CDH4: variants seen among roughly 807,000 people sequenced by gnomAD.
CDH4 encodes the protein cadherin-4.
In CDH4, 33 loss-of-function variants were observed where a neutral mutation model predicts 86.0. The ratio of observed to expected loss-of-function variants is 0.38; its 90% CI spans 0.29 to 0.51. The LOEUF is 0.51. Ranked by LOEUF, CDH4 falls within the 20% of genes least tolerant of loss-of-function variation. The pLI, the probability that CDH4 is intolerant of heterozygous loss-of-function variation, is 0.86. For synonymous variants in CDH4, 555 were observed against 549.4 expected (o/e 1.01, Z -0.14); for missense variants, 1,114 against 1,307.4 (o/e 0.85, Z 2.28).
chr20:61,840,293 G>T (rs1162375937), intron 4 of CDH4, among the ~76,000 whole-genome samples: 1 of 152,172 alleles, frequency 6.6e-6, no homozygotes, highest in Non-Finnish European at 1.5e-5. Context: ...GAATCTGGGT[G>T]TAACTCTCTC....
chr20:61,773,128 G>A lies in CDH4; in HGVS notation c.522G>A (p.Pro174=), dbSNP rs763267948. The A allele has an allele frequency of 6.2e-5, 100 of 1,607,742 alleles. No individual in the cohort carries two copies. Among genetic ancestry groups the A allele is most frequent in the Non-Finnish European group, 8.2e-5 (97 of 1,177,468 alleles). ...LRRRKRDWVI[P]PINVPENSRG... ...GGCGCAAACGGGACTGGGTCATCCC[G>A]CCCATCAACGTGCCCGAGAACTCGC... is the stretch of plus-strand genomic sequence containing the variant. The change falls in exon 4 of 16, where the codon CCG becomes CCA. Residue 174 remains proline, a synonymous_variant. Transcript: ENST00000614565.
chr20:61,498,061 G>T (rs1049055280), intron 2 of CDH4, among the ~76,000 whole-genome samples: 3 of 119,376 alleles, frequency 2.5e-5, no homozygotes, highest in Non-Finnish European at 4.9e-5. Flanking sequence ...CTGTCATGGG[G>T]TGGGGGGAGG....
At chr20:61,296,286 TGTGTGTGTGTGCGTGGGTGC>T in intron 2 of CDH4, among the ~76,000 whole-genome samples, 1 of 128,410 alleles carries the variant, frequency 7.8e-6, no homozygotes, top group East Asian at 2.4e-4. Flanking sequence ...CGTGGGTGCG[TGTGTGTGTGTGCGTGGGTGC>T]GTGTGTGTGC....
chr20:61,820,931 A>C (rs1980989506), intron 4 of CDH4, among the ~76,000 whole-genome samples: 1 of 152,056 alleles, frequency 6.6e-6, no homozygotes, highest in African/African-American at 2.4e-5. Context: ...GCGGAGTGAA[A>C]TAAAAATCCT....
chr20:61,678,672 G>A (rs2145854854), intron 2 of CDH4, among the ~76,000 whole-genome samples: 1 of 152,290 alleles, frequency 6.6e-6, no homozygotes, highest in African/African-American at 2.4e-5. Flanking sequence ...TGTGGGCAGG[G>A]CTAGCTCCCC....
intron 2 of CDH4, among the ~76,000 whole-genome samples, chr20:61,420,828 G>A (rs1042036743): frequency 3.3e-5 from 5 of 152,250 alleles, no homozygotes; most frequent in African/African-American, 1.2e-4. Context: ...GTCCCACGGG[G>A]GATGATAGGA....
intron 2 of CDH4, among the ~76,000 whole-genome samples, chr20:61,725,291 C>A (rs1015139299): frequency 6.6e-6 from 1 of 152,148 alleles, no homozygotes; most frequent in Non-Finnish European, 1.5e-5. Flanking sequence ...CCGCACACAC[C>A]TCCCCGAGCT....
chr20:61,852,369 T>C (rs951354061), intron 5 of CDH4, among the ~76,000 whole-genome samples: 2 of 152,246 alleles, frequency 1.3e-5, no homozygotes, highest in South Asian at 2.1e-4. Flanking sequence ...ATGTCTTTTC[T>C]GTTGCCACTT....
At chr20:61,891,306 G>A (rs1359185983) in intron 7 of CDH4, among the ~76,000 whole-genome samples, 2 of 152,192 alleles carry the variant, frequency 1.3e-5, no homozygotes, top group African/African-American at 2.4e-5. Context: ...ATTTTACAGA[G>A]GGGGCTGCCA....
intron 2 of CDH4, among the ~76,000 whole-genome samples, chr20:61,384,861 C>CT (rs779252262): frequency 2.0e-5 from 3 of 152,196 alleles, no homozygotes; most frequent in Non-Finnish European, 4.4e-5. Context: ...ATTTCAGACT[C>CT]TAAGTCTGAT....
At chr20:61,763,288 AGAT>A (rs3082035) in intron 3 of CDH4, among the ~76,000 whole-genome samples, 33,500 of 152,120 alleles carry the variant, frequency 0.22, 3,823 homozygotes, top group Admixed American at 0.24. Flanking sequence ...CAGGAGCATC[AGAT>A]GGCCCCCCAC....
intron 3 of CDH4, among the ~76,000 whole-genome samples, chr20:61,768,903 T>A (rs373269914): frequency 2.1e-4 from 32 of 152,190 alleles, no homozygotes; most frequent in Admixed American, 5.2e-4. Flanking sequence ...AGGATTTTTT[T>A]AAAAAACGGC....
intron 4 of CDH4, among the ~76,000 whole-genome samples, chr20:61,787,356 T>A (rs909411857): frequency 6.6e-6 from 1 of 152,200 alleles, no homozygotes; most frequent in Non-Finnish European, 1.5e-5. Flanking sequence ...AAATATGCCC[T>A]TCTTCACATG....
intron 2 of CDH4, among the ~76,000 whole-genome samples, chr20:61,519,226 T>C (rs1207528143): frequency 6.6e-6 from 1 of 152,234 alleles, no homozygotes; most frequent in African/African-American, 2.4e-5. Context: ...CATAGGATGA[T>C]GTGTGCCTCT....
At chr20:61,385,854 G>A (rs536694380) in intron 2 of CDH4, among the ~76,000 whole-genome samples, 1 of 152,150 alleles carries the variant, frequency 6.6e-6, no homozygotes, top group African/African-American at 2.4e-5. Context: ...GAGTGCCCAG[G>A]CCTCCTGTTC....
At chr20:61,934,577 C>A (rs1224720564) in intron 15 of CDH4, among the ~76,000 whole-genome samples, 1 of 152,222 alleles carries the variant, frequency 6.6e-6, no homozygotes, top group East Asian at 1.9e-4. Flanking sequence ...GCGGGGAAGG[C>A]GCACTTGGTG....
chr20:61,604,234 C>T (rs961883283), intron 2 of CDH4, among the ~76,000 whole-genome samples: 4 of 152,186 alleles, frequency 2.6e-5, no homozygotes, highest in East Asian at 1.9e-4. Flanking sequence ...TGACTGTCTC[C>T]GGAGTAACAG....
At chr20:61,565,785 C>T (rs1316014406) in intron 2 of CDH4, among the ~76,000 whole-genome samples, 1 of 152,182 alleles carries the variant, frequency 6.6e-6, no homozygotes, top group Non-Finnish European at 1.5e-5. Flanking sequence ...ACGTAGGGAA[C>T]AGCATCTGCC....
intron 2 of CDH4, among the ~76,000 whole-genome samples, chr20:61,645,378 GC>G (rs1480124306): frequency 6.6e-6 from 1 of 152,134 alleles, no homozygotes; most frequent in Non-Finnish European, 1.5e-5. Flanking sequence ...TATAATCCCA[GC>G]CCTTTGGGAG....
Sources: allele counts gnomAD v4.1 joint callset (sites outside exome capture counted in the v4.1 genomes callset), GRCh38; gene constraint gnomAD v4.1.1; transcripts MANE v1.5; gene names NCBI Gene and HGNC (gene_info 2026-07-23, HGNC 2026-07-21).